PARG: variants seen among roughly 807,000 people sequenced by gnomAD.
PARG encodes mitochondrial poly(ADP-ribose) glycohydrolase.
PARG carries 35 observed loss-of-function variants against 113.0 expected under a neutral mutation model. That is an observed-to-expected ratio of 0.31 (90% confidence interval 0.24 to 0.41). The LOEUF is 0.41. Ranked by LOEUF, PARG falls within the 10% of genes least tolerant of loss-of-function variation. The pLI is 1.00. For synonymous variants in PARG, 330 were observed against 409.9 expected, an observed-to-expected ratio of 0.81 and a Z score of 2.36; for missense variants, 797 against 1,169.4, an observed-to-expected ratio of 0.68 and a Z score of 4.64.
chr10:49,852,806 C>A (rs1174236987), intron 13 of PARG, among the ~76,000 whole-genome samples: 4 of 150,800 alleles, frequency 2.7e-5, no homozygotes, highest in Non-Finnish European at 5.9e-5. Flanking sequence ...CCTTGTGATG[C>A]CCCCTGCCTC....
In PARG at chr10:49,879,731, G is replaced by A. The variant is rs782171455; in HGVS notation, c.1930C>T (p.Arg644Ter). Reference sequence around the variant, plus strand: ...TCCGATTTCATCTTAGCATTTCGTCGTGGAAATGTGCAGAAGAAAGCATTA... The same window carrying A: ...TCCGATTTCATCTTAGCATTTCGTCATGGAAATGTGCAGAAGAAAGCATTA... Reference protein sequence around the residue: ...LANAFFCTFPRRNAKMKSEYS... With the variant: ...LANAFFCTFP The change falls in exon 9 of 18, where the codon CGA (arginine) becomes TGA (stop). Residue 644 changes from arginine (R) to a stop codon, truncating the protein, a stop_gained. Coordinates refer to ENST00000616448, the MANE Select transcript of PARG (RefSeq NM_003631.5). LOFTEE classifies it high-confidence loss of function. 6.3e-6 allele frequency: 10 copies of A among 1,579,766 alleles called. No homozygotes were observed. Among genetic ancestry groups the A allele is most frequent in the Non-Finnish European group, 4.3e-6 (5 of 1,161,674 alleles).
intron 2 of PARG, among the ~76,000 whole-genome samples, 194 bp from the exon 3 acceptor site, chr10:49,934,357 C>T (rs1443205589): frequency 1.3e-5 from 2 of 152,080 alleles, no homozygotes; most frequent in African/African-American, 2.4e-5. Flanking sequence ...CAAACACCCG[C>T]CTTTCCTTCA....
At position 49,897,275 on chromosome 10, in the gene PARG, A is replaced by T. The variant is rs1252800359; in HGVS notation, c.1738-11980T>A. 1.4e-4 allele frequency among the ~76,000 whole-genome samples: 21 copies of T among 152,222 alleles called. 1 individual carries two copies. Among genetic ancestry groups the T allele is most frequent in the African/African-American group, 5.1e-4 (21 of 41,456 alleles). On this transcript the variant is annotated intron_variant, in intron 7 of 17. Transcript: ENST00000616448. The stretch of plus-strand genomic sequence containing the variant: ...GTCAGAATTATAAGCTTTTCAACAA[A>T]TAACAGCTAGTATTATGATGATGAT...
At chr10:49,858,367 ACAC>A (rs1411889261) in intron 12 of PARG, among the ~76,000 whole-genome samples, 12 of 139,074 alleles carry the variant, frequency 8.6e-5, no homozygotes, top group African/African-American at 2.1e-4. Context: ...ACACACACAC[ACAC>A]AACTTGTGTA....
intron 6 of PARG, among the ~76,000 whole-genome samples, chr10:49,918,168 C>T (rs1837607658): frequency 6.6e-6 from 1 of 152,156 alleles, no homozygotes; most frequent in African/African-American, 2.4e-5. Flanking sequence ...GGGGATGATA[C>T]AAACATTCTG....
intron 13 of PARG, among the ~76,000 whole-genome samples, chr10:49,846,999 C>T (rs1845542848): frequency 6.6e-6 from 1 of 151,442 alleles, no homozygotes; most frequent in South Asian, 2.1e-4. Context: ...GGCATTCCCA[C>T]TGATGGAATA....
At position 49,934,112 on chromosome 10, in the gene PARG, A is replaced by G. The variant is rs1432806115; in HGVS notation, c.336T>C (p.Ser112=). 9.0e-6 allele frequency: 11 copies of G among 1,216,296 alleles called. No homozygotes were observed. The highest frequency in any genetic ancestry group is 1.5e-5 in the African/African-American group (1 of 67,308). 75.3% of individuals were successfully genotyped at this position (1,216,296 alleles called of 1,614,324 possible). A position where few individuals can be genotyped will look rare whatever the true frequency, so the allele number is the denominator to read the frequency against. The change falls in exon 3 of 18, where the codon TCT becomes TCC. Residue 112 remains serine, a synonymous_variant. Coordinates refer to ENST00000616448, the MANE Select transcript of PARG (RefSeq NM_003631.5). ...GTTGGTAAAAGTTATCTTTTTGTAC[A>G]GAACTCATCATGGATTCTATTCTTG... ...NNTRIESMMS[S]VQKDNFYQHN...
At chr10:49,820,818 T>C (rs979799232) in intron 16 of PARG, among the ~76,000 whole-genome samples, 6 of 151,882 alleles carry the variant, frequency 4.0e-5, no homozygotes, top group African/African-American at 1.2e-4. Context: ...CATCAAACTA[T>C]AGAATTCCAA....
intron 13 of PARG, among the ~76,000 whole-genome samples, chr10:49,849,018 A>C (rs1342666596): frequency 2.6e-5 from 4 of 152,022 alleles, no homozygotes; most frequent in Non-Finnish European, 5.9e-5. Context: ...CAACATGGAG[A>C]AACCCCGTCT....
intron 16 of PARG, 84 bp downstream of exon 16, chr10:49,832,719 T>C: frequency 3.0e-6 from 2 of 671,826 alleles, no homozygotes; most frequent in Non-Finnish European, 5.2e-6. Context: ...TGTGGTCTCA[T>C]GACAGGACAT....
intron 16 of PARG, among the ~76,000 whole-genome samples, chr10:49,825,809 C>T: frequency 6.6e-6 from 1 of 152,082 alleles, no homozygotes; most frequent in East Asian, 1.9e-4. Context: ...GACTGTTAAA[C>T]CTGGCTGATC....
chr10:49,911,972 C>T (rs1394887040), intron 7 of PARG, among the ~76,000 whole-genome samples: 2 of 152,088 alleles, frequency 1.3e-5, no homozygotes, highest in Admixed American at 1.3e-4. Flanking sequence ...TAAAACAAGC[C>T]ACTCAGAGTT....
At chr10:49,910,216 A>G (rs868946254) in intron 7 of PARG, among the ~76,000 whole-genome samples, 1 of 152,186 alleles carries the variant, frequency 6.6e-6, no homozygotes, top group South Asian at 2.1e-4. Context: ...CTGACAAGTC[A>G]TAGGACAAGA....
Position 49,941,813 on chromosome 10 carries a change from C to T in PARG, c.-88G>A. On this transcript the variant is annotated 5_prime_UTR_variant, in exon 1 of 18. Coordinates refer to ENST00000616448, the MANE Select transcript of PARG (RefSeq NM_003631.5). The stretch of plus-strand genomic sequence containing the variant: ...TGAGAGAGATGGACTGCGCCTCCTT[C>T]TCAGCGCCTGCCTGCACCATTCCCT... 1.3e-6 allele frequency: 2 copies of T among 1,534,618 alleles called. No homozygotes were observed. The highest frequency in any genetic ancestry group is 1.7e-6 in the Non-Finnish European group (2 of 1,145,192).
chr10:49,824,686 G>A (rs1408953147), intron 16 of PARG, among the ~76,000 whole-genome samples: 1 of 152,108 alleles, frequency 6.6e-6, no homozygotes, highest in Admixed American at 6.5e-5. Context: ...CTAACACTGG[G>A]CTCTTATAGC....
At chr10:49,912,371 C>A (rs1440864503) in intron 7 of PARG, among the ~76,000 whole-genome samples, 1 of 151,826 alleles carries the variant, frequency 6.6e-6, no homozygotes, top group Non-Finnish European at 1.5e-5. Flanking sequence ...TGTTTAAGAA[C>A]CCTTAGTTTA....
chr10:49,832,327 C>T (rs971631994), intron 16 of PARG, among the ~76,000 whole-genome samples: 2 of 152,238 alleles, frequency 1.3e-5, no homozygotes, highest in African/African-American at 4.8e-5. Flanking sequence ...CGGTCTCATA[C>T]TGCCTCTCTC....
At chr10:49,836,756 A>G (rs553201045) in intron 15 of PARG, among the ~76,000 whole-genome samples, 2 of 152,334 alleles carry the variant, frequency 1.3e-5, no homozygotes, top group South Asian at 4.1e-4. Context: ...CTTTGGTTTA[A>G]TAACAGTCCT....
Position 49,915,155 on chromosome 10 carries a change from T to G in PARG, c.1737+762A>C, listed in dbSNP as rs12254858. ...ACTGACTTTGTCAAAATTAAAAATT[T>G]TTGAGCTTCAAAGTGTAACATCAAG... On this transcript the variant is annotated intron_variant, in intron 7 of 17. Transcript: ENST00000616448. Among the ~76,000 whole-genome samples the G allele has an allele frequency of 4.0e-3, 611 of 151,612 alleles. 4 individuals are homozygous for G. Among genetic ancestry groups the G allele is most frequent in the African/African-American group, 0.014 (594 of 41,458 alleles).
Sources: gnomAD v4.1 joint callset for allele counts (sites outside exome capture counted in the v4.1 genomes callset) on GRCh38, gnomAD v4.1.1 for gene constraint, MANE v1.5 for transcripts, NCBI Gene and HGNC (gene_info 2026-07-23, HGNC 2026-07-21) for gene names.